ANKFY1: variants seen among roughly 807,000 people sequenced by gnomAD.
ANKFY1 encodes the protein ankyrin repeat and FYVE domain containing 1.
ANKFY1 carries 47 observed loss-of-function variants against 128.3 expected under a neutral mutation model. The ratio of observed to expected loss-of-function variants is 0.37; its 90% CI spans 0.29 to 0.47. The LOEUF is 0.47. Among genes scored for constraint, ANKFY1 ranks in the 20% least tolerant of loss-of-function variants. The pLI, the probability that ANKFY1 is intolerant of heterozygous loss-of-function variation, is 1.00. For synonymous variants in ANKFY1, 553 were observed against 601.6 expected (o/e 0.92, Z 1.18); for missense variants, 1,222 against 1,510.6 (o/e 0.81, Z 3.17).
intron 1 of ANKFY1, 155 bp downstream of exon 1, chr17:4,263,777 G>T (rs771886110): frequency 5.7e-6 from 9 of 1,568,466 alleles, no homozygotes; most frequent in South Asian, 1.2e-5. Context: ...ACCCCGGCCC[G>T]AGAAGCTCCG....
rs1440449897 is a variant in ANKFY1, at chr17:4,258,757, A to AT, written c.10+5174_10+5175insA. 2.0e-5 allele frequency among the ~76,000 whole-genome samples: 3 copies of AT among 152,284 alleles called. No individual in the cohort carries two copies. The East Asian group carries it at 5.8e-4, about 29-fold the overall frequency. Reference sequence around the variant, plus strand: ...TTAATTTTAAATTTTATTTAATTTTAATCAAATTTAAGTAGCCACATGTGG... The same window carrying AT: ...TTAATTTTAAATTTTATTTAATTTTATATCAAATTTAAGTAGCCACATGTGG... On this transcript the variant is annotated intron_variant, in intron 1 of 24. Coordinates refer to ENST00000341657, the MANE Select transcript of ANKFY1 (RefSeq NM_001330063.2).
intron 19 of ANKFY1, among the ~76,000 whole-genome samples, chr17:4,174,699 A>G (rs2059381837): frequency 6.6e-6 from 1 of 151,978 alleles, no homozygotes; most frequent in Non-Finnish European, 1.5e-5. Context: ...TTCCACAATG[A>G]GTATGTACTA....
Position 4,177,895 on chromosome 17 carries a change from C to T in ANKFY1, c.2599-593G>A, listed in dbSNP as rs142178365. The T allele has an allele frequency of 5.6e-3, 855 of 152,596 alleles. 4 individuals are homozygous for T. The highest frequency in any genetic ancestry group is 8.3e-3 in the Non-Finnish European group (569 of 68,210). 9.5% of individuals were successfully genotyped at this position (152,596 alleles called of 1,614,324 possible). A position where few individuals can be genotyped will look rare whatever the true frequency, so the allele number is the denominator to read the frequency against. On this transcript the variant is annotated intron_variant, in intron 18 of 24. Transcript: ENST00000341657. ...AGAGCTCAATGAAATCAAAGCACAC[C>T]GTCTCCTGTAGTTCCCAGAGCCGTC...
In ANKFY1 at chr17:4,242,274, T is replaced by C. The variant is rs1001865504; in HGVS notation, c.185A>G (p.Tyr62Cys). The C allele has an allele frequency of 1.3e-6, 2 of 1,586,230 alleles. No homozygotes were observed. The highest frequency in any genetic ancestry group is 1.9e-5 in the Admixed American group (1 of 53,462). ...SRLLAIVADL[Y>C]EQEQYSDLKI... ...CTCCCACCTGTACTGCTCCTGCTCGTAGAGGTCTGCCACGATGGCCAGCAG... is the reference window on the plus strand; with the variant it reads ...CTCCCACCTGTACTGCTCCTGCTCGCAGAGGTCTGCCACGATGGCCAGCAG... Residue 62 changes from tyrosine (Y) to cysteine (C), a missense_variant, in exon 2 of 25, where the codon TAC becomes TGC. Tyr to Cys is a radical substitution (Grantham distance 194). Transcript: ENST00000341657.
chr17:4,263,498 G>T, intron 1 of ANKFY1: 1 of 888,230 alleles, frequency 1.1e-6, no homozygotes, highest in Non-Finnish European at 1.6e-6. Flanking sequence ...AACCCAGCCC[G>T]AGGAGACCCA....
At chr17:4,201,156 A>G (rs577652744) in intron 7 of ANKFY1, among the ~76,000 whole-genome samples, 1 of 152,178 alleles carries the variant, frequency 6.6e-6, no homozygotes, top group Non-Finnish European at 1.5e-5. Context: ...TCAGCCTCCC[A>G]AGTAGCTAGG....
intron 1 of ANKFY1, chr17:4,263,708 C>T (rs1338368806): frequency 6.7e-7 from 1 of 1,491,506 alleles, no homozygotes; most frequent in East Asian, 2.5e-5. Flanking sequence ...CCGCAGCCGG[C>T]CGCAGTCCCG....
intron 3 of ANKFY1, chr17:4,223,763 A>G: frequency 6.4e-7 from 1 of 1,559,760 alleles, no homozygotes; most frequent in Non-Finnish European, 8.8e-7. Flanking sequence ...TCCGGGGGAG[A>G]GGCCCAAGTT....
chr17:4,240,044 C>T (rs569045090), intron 2 of ANKFY1, among the ~76,000 whole-genome samples: 2 of 151,216 alleles, frequency 1.3e-5, no homozygotes, highest in South Asian at 2.1e-4. Flanking sequence ...TACAATTTCA[C>T]CTAGATGACA....
intron 11 of ANKFY1, chr17:4,186,992 C>A (rs2059623647): frequency 8.2e-7 from 1 of 1,215,132 alleles, no homozygotes; most frequent in South Asian, 4.3e-5. Context: ...GGGTTCGCCG[C>A]AACTGTTTTT....
At chr17:4,200,293 G>C (rs1319769315) in intron 7 of ANKFY1, among the ~76,000 whole-genome samples, 1 of 152,076 alleles carries the variant, frequency 6.6e-6, no homozygotes, top group Non-Finnish European at 1.5e-5. Flanking sequence ...TGAACTCCTG[G>C]GCTCAAGCAA....
chr17:4,199,218 T>C (rs2059883238), intron 7 of ANKFY1, among the ~76,000 whole-genome samples: 1 of 152,082 alleles, frequency 6.6e-6, no homozygotes, highest in African/African-American at 2.4e-5. Context: ...TGAGACAGAG[T>C]CTCACCCCCG....
chr17:4,224,370 G>T (rs763633247), intron 3 of ANKFY1, among the ~76,000 whole-genome samples: 4 of 151,788 alleles, frequency 2.6e-5, no homozygotes, highest in Non-Finnish European at 4.4e-5. Flanking sequence ...CTACAGGTGC[G>T]CACCACCACG....
At chr17:4,193,833 C>T (rs1359156249) in intron 10 of ANKFY1, among the ~76,000 whole-genome samples, 3 of 151,662 alleles carry the variant, frequency 2.0e-5, no homozygotes, top group South Asian at 4.1e-4. Context: ...GATCTTGGCT[C>T]ACTGCAACCT....
intron 2 of ANKFY1, among the ~76,000 whole-genome samples, chr17:4,241,133 T>A (rs1967188987): frequency 6.6e-6 from 1 of 152,340 alleles, no homozygotes; most frequent in Admixed American, 6.5e-5. Flanking sequence ...TGAACATGCA[T>A]CTATTGATTT....
chr17:4,177,063 G>C, intron 19 of ANKFY1, 63 bp downstream of exon 19: 1 of 1,425,902 alleles, frequency 7.0e-7, no homozygotes, highest in Non-Finnish European at 9.3e-7. Flanking sequence ...ATGAGATTCT[G>C]CACAAGCTCT....
intron 3 of ANKFY1, among the ~76,000 whole-genome samples, chr17:4,224,437 T>C (rs2060387045): frequency 6.6e-6 from 1 of 152,004 alleles, no homozygotes; most frequent in African/African-American, 2.4e-5. Flanking sequence ...TTAGCCAGGA[T>C]GGTGAAGTTT....
At chr17:4,228,087 A>C (rs1323681283) in intron 3 of ANKFY1, among the ~76,000 whole-genome samples, 1 of 152,222 alleles carries the variant, frequency 6.6e-6, no homozygotes, top group Non-Finnish European at 1.5e-5. Flanking sequence ...AAAGAACACA[A>C]ATGTCCATCA....
chr17:4,241,519 C>A (rs1967223826), intron 2 of ANKFY1, among the ~76,000 whole-genome samples: 1 of 151,574 alleles, frequency 6.6e-6, no homozygotes, highest in South Asian at 2.1e-4. Flanking sequence ...CGTGATCTGC[C>A]CACCTCGGCC....
Sources: gnomAD v4.1 joint callset for allele counts (sites outside exome capture counted in the v4.1 genomes callset) on GRCh38, gnomAD v4.1.1 for gene constraint, MANE v1.5 for transcripts, NCBI Gene and HGNC (gene_info 2026-07-23, HGNC 2026-07-21) for gene names.